The following EVC2 variants were observed in gnomAD, a reference collection of about 807,000 sequenced individuals.
EVC2 encodes the protein limbin.
In EVC2, 148 loss-of-function variants were observed where a neutral mutation model predicts 149.3. That is an observed-to-expected ratio of 0.99 (90% CI 0.87 to 1.14). The LOEUF (loss-of-function observed/expected upper bound fraction) is 1.14. EVC2 is among the 50% of genes most tolerant of loss of function. The pLI is 0.00. For synonymous variants in EVC2, 776 were observed against 649.9 expected (o/e 1.19, Z -2.95); for missense variants, 1,854 against 1,627.3 (o/e 1.14, Z -2.40).
chr4:5,692,832 A>T (rs945140244), intron 3 of EVC2, among the ~76,000 whole-genome samples: 106 of 136,396 alleles, frequency 7.8e-4, no homozygotes, highest in Admixed American at 2.5e-3. Flanking sequence ...GCGCCACTGC[A>T]GTCCGCAGTC....
At position 5,691,314 on chromosome 4, in the gene EVC2, T is replaced by G; in HGVS notation, c.470A>C (p.Glu157Ala). ...THRLYGDISR[E>A]VQGTSENGVI... is the part of the protein sequence containing the mutation. Reference sequence around the variant, plus strand: ...TCCATTTTCAGAAGTCCCTTGAACTTCTCTTGAAATGTCCCCATACTACAA... The same window carrying G: ...TCCATTTTCAGAAGTCCCTTGAACTGCTCTTGAAATGTCCCCATACTACAA... The change falls in exon 4 of 22, where the codon GAA becomes GCA. Residue 157 changes from glutamate (E) to alanine (A), a missense_variant. Physicochemically the swap from Glu to Ala is moderately radical, Grantham distance 107. Coordinates refer to ENST00000344408, the MANE Select transcript of EVC2 (RefSeq NM_147127.5). The G allele has an allele frequency of 6.2e-7, 1 of 1,613,378 alleles. No homozygotes were observed. The highest frequency in any genetic ancestry group is 8.5e-7 in the Non-Finnish European group (1 of 1,179,474).
chr4:5,554,493 GA>G (rs1324958196), intron 21 of EVC2, among the ~76,000 whole-genome samples: 2 of 152,200 alleles, frequency 1.3e-5, no homozygotes, highest in African/African-American at 2.4e-5. Context: ...TCATGATAGA[GA>G]GATAAGAAAG....
At chr4:5,698,857 G>A (rs549294434) in intron 1 of EVC2, among the ~76,000 whole-genome samples, 27 of 152,366 alleles carry the variant, frequency 1.8e-4, no homozygotes, top group African/African-American at 5.8e-4. Flanking sequence ...AGTTGAGCGG[G>A]ATGCTCAGGC....
chr4:5,625,099 C>G lies in EVC2; in HGVS notation c.2046+650G>C, dbSNP rs560226971. ...CCTAAATCACAGATCTGATGTCTCT[C>G]TCACCTCCGGAAGACCCTTCAACAT... is the stretch of plus-strand genomic sequence containing the variant. On this transcript the variant is annotated intron_variant, in intron 13 of 21. Transcript: ENST00000344408. This position sits in a 1 kb window ranked among gnomAD's most constrained non-coding sequence, Gnocchi z 4.0. Among the ~76,000 whole-genome samples the G allele has an allele frequency of 7.5e-4, 114 of 152,156 alleles. 2 individuals carry two copies. The South Asian group carries it at 0.022, about 30-fold the overall frequency.
chr4:5,675,658 T>A (rs183092219), intron 7 of EVC2, among the ~76,000 whole-genome samples: 31 of 152,304 alleles, frequency 2.0e-4, no homozygotes, highest in Admixed American at 1.1e-3. Context: ...AAAATTAGTA[T>A]TGGAGCCTGG....
At chr4:5,672,372 G>A (rs1484049161) in intron 7 of EVC2, among the ~76,000 whole-genome samples, 1 of 152,222 alleles carries the variant, frequency 6.6e-6, no homozygotes, top group Non-Finnish European at 1.5e-5. Flanking sequence ...ACAACTAAGA[G>A]GCTTTAAGCC....
intron 1 of EVC2, among the ~76,000 whole-genome samples, chr4:5,700,614 C>A (rs1290759760): frequency 6.6e-6 from 1 of 152,152 alleles, no homozygotes; most frequent in Non-Finnish European, 1.5e-5. Flanking sequence ...CCAGGCCTCC[C>A]AGGGCAGTCT....
downstream of EVC2, among the ~76,000 whole-genome samples, chr4:5,539,896 AT>A (rs1243720239): frequency 2.0e-5 from 3 of 152,224 alleles, no homozygotes; most frequent in African/African-American, 7.2e-5. Context: ...ATCAAAATTA[AT>A]AACTTCTGCT....
At chr4:5,565,190 C>T in intron 21 of EVC2, 68 bp downstream of exon 21, 1 of 1,502,924 alleles carries the variant, frequency 6.7e-7, no homozygotes, top group South Asian at 1.1e-5. Context: ...CTCCTGCCTC[C>T]CCAGCCTGGC....
At chr4:5,570,265 C>T (rs16837471) in intron 19 of EVC2, among the ~76,000 whole-genome samples, 11,497 of 152,234 alleles carry the variant, frequency 0.076, 733 homozygotes, top group African/African-American at 0.16. Context: ...ACTTCATAAA[C>T]ACCCTGCAGA....
chr4:5,587,878 T>A (rs1712433437), intron 16 of EVC2, among the ~76,000 whole-genome samples: 1 of 152,196 alleles, frequency 6.6e-6, no homozygotes, highest in Non-Finnish European at 1.5e-5. Context: ...GGGGTCAATC[T>A]TTAACTACCA....
intron 17 of EVC2, among the ~76,000 whole-genome samples, chr4:5,582,875 C>T (rs564560266): frequency 6.6e-6 from 1 of 152,152 alleles, no homozygotes; most frequent in African/African-American, 2.4e-5. Flanking sequence ...CCCCCTACTT[C>T]TCTTCCTCCT....
At chr4:5,574,618 T>G in intron 19 of EVC2, 67 bp downstream of exon 19, 1 of 1,493,648 alleles carries the variant, frequency 6.7e-7, no homozygotes. Flanking sequence ...GAAATGTGGA[T>G]TCTGAGAAAA....
At position 5,565,352 on chromosome 4, in the gene EVC2, G is replaced by A; in HGVS notation, c.3565C>T (p.Gln1189Ter). 3.7e-6 allele frequency: 6 copies of A among 1,613,922 alleles called. No homozygotes were observed. Among genetic ancestry groups the A allele is most frequent in the Non-Finnish European group, 5.1e-6 (6 of 1,179,950 alleles). The change falls in exon 21 of 22, where the codon CAG becomes TAG. Residue 1189 changes from glutamine (Q) to a stop codon, truncating the protein, a stop_gained. Transcript: ENST00000344408. LOFTEE classifies it high-confidence loss of function. Reference protein sequence around the residue: ...QADVGRRRKHQSWWQALDGKL... With the variant: ...QADVGRRRKH ...CCATCTAAGGCTTGCCACCAGCTCT[G>A]GTGTTTCCTGCAGGCAAGAAGGGAG...
At chr4:5,535,415 A>C in the EVC2 span, among the ~76,000 whole-genome samples, 1 of 152,122 alleles carries the variant, frequency 6.6e-6, no homozygotes, top group Non-Finnish European at 1.5e-5. This position sits in a 1 kb window ranked among gnomAD's most constrained non-coding sequence, Gnocchi z 4.7. Flanking sequence ...TCTCGAGGGA[A>C]ACTGAGAAAG....
At chr4:5,547,017 A>C (rs1300475387) in intron 21 of EVC2, among the ~76,000 whole-genome samples, 1 of 152,172 alleles carries the variant, frequency 6.6e-6, no homozygotes, top group African/African-American at 2.4e-5. Flanking sequence ...CCACAGCTAC[A>C]GCCTCCCAAA....
At chr4:5,529,615 T>C in the EVC2 span, among the ~76,000 whole-genome samples, 28 of 152,272 alleles carry the variant, frequency 1.8e-4, no homozygotes, top group South Asian at 1.0e-3. This position sits in a 1 kb window ranked among gnomAD's most constrained non-coding sequence, Gnocchi z 4.5. Context: ...AGACACATAG[T>C]AGGTGCTCAA....
chr4:5,681,291 A>T lies in EVC2; in HGVS notation c.839T>A (p.Leu280His). 6.2e-7 allele frequency: 1 copy of T among 1,614,256 alleles called. No individual in the cohort carries two copies. Among genetic ancestry groups the T allele is most frequent in the South Asian group, 1.1e-5 (1 of 91,086 alleles). Reference sequence around the variant, plus strand: ...GTTTTCTTCTGCTGTTATGGAAAAAAGCACTTTCAGCTGTGTTCTGTTCTA... The same window carrying T: ...GTTTTCTTCTGCTGTTATGGAAAAATGCACTTTCAGCTGTGTTCTGTTCTA... ...SSRNRTQLKV[L>H]FSITAEENVT... is the part of the protein sequence containing the mutation. The change falls in exon 7 of 22, where the codon CTT (leucine) becomes CAT (histidine). Residue 280 changes from leucine to histidine, a missense_variant. By Grantham distance (99) the Leu-to-His change is moderately conservative. Coordinates refer to ENST00000344408, the MANE Select transcript of EVC2 (RefSeq NM_147127.5).
At chr4:5,557,569 A>C (rs894040205), downstream of EVC2, among the ~76,000 whole-genome samples, 1 of 152,186 alleles carries the variant, frequency 6.6e-6, no homozygotes, top group Non-Finnish European at 1.5e-5. Flanking sequence ...TAACACAAGA[A>C]AAGGAAATAA....
Sources: allele counts gnomAD v4.1 joint callset (sites outside exome capture counted in the v4.1 genomes callset), GRCh38; gene constraint gnomAD v4.1.1; non-coding constraint Gnocchi (gnomAD v3.1); transcripts MANE v1.5; gene names NCBI Gene and HGNC (gene_info 2026-07-23, HGNC 2026-07-21).